The following PID1 variants were observed in gnomAD, a reference collection of about 807,000 sequenced individuals.
PID1 encodes the protein PTB-containing, cubilin and LRP1-interacting protein.
A neutral mutation model predicts 19.1 loss-of-function variants in PID1; 10 were observed. The observed-to-expected ratio is 0.52, with a 90% CI of 0.32 to 0.89. The LOEUF is 0.89. PID1 is among the 40% of genes least tolerant of loss of function. The pLI is 0.03. For synonymous variants in PID1, 130 were observed against 116.0 expected (o/e 1.12, Z -0.78); for missense variants, 248 against 285.3 (o/e 0.87, Z 0.94).
intron 2 of PID1, among the ~76,000 whole-genome samples, chr2:229,041,536 G>A (rs2109818): frequency 0.6 from 91,692 of 152,044 alleles, 28,368 homozygotes; most frequent in African/African-American, 0.75. Context: ...TTGACTCCCA[G>A]TGAAGTAATA....
rs569428253 is a variant in PID1 at position 229,236,097 on chromosome 2, G to A, written c.30+34917C>T. 1.3e-4 allele frequency among the ~76,000 whole-genome samples: 20 copies of A among 152,224 alleles called. No individual in the cohort carries two copies. In the South Asian group the frequency reaches 3.3e-3, roughly 25 times the overall value. On this transcript the variant is annotated intron_variant, in intron 1 of 2. Coordinates refer to ENST00000392055, the MANE Select transcript of PID1 (RefSeq NM_001100818.2). ...ACCCGAAGATGATCTGTTGAGGCTCGATGAGCATACAAGTCTACCAACGAC... is the reference window on the plus strand; with the variant it reads ...ACCCGAAGATGATCTGTTGAGGCTCAATGAGCATACAAGTCTACCAACGAC...
intron 1 of PID1, among the ~76,000 whole-genome samples, chr2:229,163,674 T>TGTGTGTGTGC (rs374622113): frequency 1.2e-4 from 11 of 94,374 alleles, no homozygotes; most frequent in African/African-American, 2.8e-4. Context: ...TGTGTGTGTG[T>TGTGTGTGTGC]GCGTGTGCGT....
intron 1 of PID1, among the ~76,000 whole-genome samples, chr2:229,173,519 ATCT>A (rs1574690360): frequency 2.0e-5 from 3 of 152,310 alleles, no homozygotes; most frequent in East Asian, 1.9e-4. Context: ...CTATTCATTA[ATCT>A]TCTTATTAAT....
At chr2:229,180,790 C>T (rs1445622872) in intron 1 of PID1, among the ~76,000 whole-genome samples, 2 of 152,196 alleles carry the variant, frequency 1.3e-5, no homozygotes, top group Non-Finnish European at 2.9e-5. Context: ...TCCGCCACTC[C>T]GGATTCGGGG....
At chr2:229,046,592 T>C (rs1693887572) in intron 2 of PID1, among the ~76,000 whole-genome samples, 1 of 151,980 alleles carries the variant, frequency 6.6e-6, no homozygotes, top group Non-Finnish European at 1.5e-5. Context: ...AAAAATTATA[T>C]AATTTAAGCC....
chr2:229,124,709 G>A (rs1199660837), intron 2 of PID1, among the ~76,000 whole-genome samples: 2 of 152,110 alleles, frequency 1.3e-5, no homozygotes, highest in East Asian at 1.9e-4. Context: ...AATTTAGTCT[G>A]AACTCTATTC....
chr2:229,065,869 G>A (rs1466667503), intron 2 of PID1, among the ~76,000 whole-genome samples: 2 of 152,056 alleles, frequency 1.3e-5, no homozygotes, highest in African/African-American at 2.4e-5. Flanking sequence ...AAATGGATTC[G>A]CCAGTAGTGG....
chr2:229,213,843 C>T (rs1291179523), intron 1 of PID1, among the ~76,000 whole-genome samples: 2 of 152,156 alleles, frequency 1.3e-5, no homozygotes, highest in African/African-American at 4.8e-5. Flanking sequence ...TGATTAAAAA[C>T]ACATGAAGCA....
In PID1 at chr2:229,025,358, G is replaced by T; in HGVS notation, c.*274C>A. On this transcript the variant is annotated 3_prime_UTR_variant, in exon 3 of 3. Coordinates refer to ENST00000392055, the MANE Select transcript of PID1 (RefSeq NM_001100818.2). ...TGGCATGGAGCTCTCCCACAGAGAG[G>T]CATTGGGAAATGAGAAAAATAAGAG... The T allele has an allele frequency of 2.5e-6, 1 of 399,442 alleles. No homozygotes were observed. Among genetic ancestry groups the T allele is most frequent in the African/African-American group, 2.6e-5 (1 of 38,284 alleles). 24.7% of individuals were successfully genotyped at this position (399,442 alleles called of 1,614,324 possible).
intron 2 of PID1, among the ~76,000 whole-genome samples, chr2:229,134,916 C>G (rs1030134156): frequency 7.9e-6 from 1 of 125,944 alleles, no homozygotes; most frequent in Admixed American, 9.1e-5. Flanking sequence ...TAAATCCCCA[C>G]AAATAGAAAT....
At chr2:229,185,374 A>T (rs1288695976) in intron 1 of PID1, among the ~76,000 whole-genome samples, 1 of 152,052 alleles carries the variant, frequency 6.6e-6, no homozygotes, top group African/African-American at 2.4e-5. Flanking sequence ...CACTGATCCC[A>T]TCCCCTCCTG....
At chr2:229,091,094 T>C (rs1376906688) in intron 2 of PID1, among the ~76,000 whole-genome samples, 2 of 152,230 alleles carry the variant, frequency 1.3e-5, no homozygotes. Context: ...TAATTACTTA[T>C]GATATGCATC....
chr2:229,195,751 G>A (rs1428898662), intron 1 of PID1, among the ~76,000 whole-genome samples: 1 of 151,950 alleles, frequency 6.6e-6, no homozygotes. Context: ...CTTCTTATGG[G>A]TTGTAAGATA....
intron 2 of PID1, among the ~76,000 whole-genome samples, chr2:229,029,130 C>T (rs1007829103): frequency 4.6e-5 from 7 of 151,964 alleles, no homozygotes; most frequent in African/African-American, 1.7e-4. Context: ...ATCATGCTCA[C>T]TACCTGGGCA....
At chr2:229,228,287 G>T (rs1419946) in intron 1 of PID1, among the ~76,000 whole-genome samples, 1 of 151,956 alleles carries the variant, frequency 6.6e-6, no homozygotes, top group African/African-American at 2.4e-5. Flanking sequence ...TGTTACAATT[G>T]TTAATTCACA....
rs374372495 is a variant in PID1, at chr2:229,193,701, A to C, written c.31-37737T>G. On this transcript the variant is annotated intron_variant, in intron 1 of 2. Coordinates refer to ENST00000392055, the MANE Select transcript of PID1 (RefSeq NM_001100818.2). Reference sequence around the variant, plus strand: ...GTGTGTGAGAGAGTATGTGTGTGTGAAGAACTTAAATGACACATAATTAAT... The same window carrying C: ...GTGTGTGAGAGAGTATGTGTGTGTGCAGAACTTAAATGACACATAATTAAT... Among the ~76,000 whole-genome samples the C allele has an allele frequency of 2.6e-5, 4 of 151,986 alleles. No homozygotes were observed. In the East Asian group the frequency reaches 5.8e-4, roughly 22 times the overall value.
At chr2:229,186,483 G>A (rs1691134650) in intron 1 of PID1, among the ~76,000 whole-genome samples, 1 of 152,168 alleles carries the variant, frequency 6.6e-6, no homozygotes, top group Non-Finnish European at 1.5e-5. Flanking sequence ...TGTACTAGCA[G>A]GCTCAACACA....
At chr2:229,270,780 C>A (rs987385299) in intron 1 of PID1, among the ~76,000 whole-genome samples, 12 of 152,128 alleles carry the variant, frequency 7.9e-5, no homozygotes, top group Non-Finnish European at 1.8e-4. Flanking sequence ...CGCACACAAG[C>A]ACCTCCAAGC....
At chr2:229,139,005 AAGAAAGAAAG>A (rs1559251144) in intron 2 of PID1, among the ~76,000 whole-genome samples, 1 of 95,370 alleles carries the variant, frequency 1.0e-5, no homozygotes, top group African/African-American at 4.1e-5. Flanking sequence ...GAAAGAAAGA[AAGAAAGAAAG>A]AAAGAAAGAA....
Sources: allele counts gnomAD v4.1 joint callset (sites outside exome capture counted in the v4.1 genomes callset), GRCh38; gene constraint gnomAD v4.1.1; transcripts MANE v1.5; gene names NCBI Gene and HGNC (gene_info 2026-07-23, HGNC 2026-07-21).